Variants in TMEM108 observed in about 807,000 individuals in gnomAD.
The protein encoded by TMEM108 is transmembrane protein 108, also known as cancer/testis antigen 124.
In TMEM108, 12 loss-of-function variants were observed where a neutral mutation model predicts 35.1. The ratio of observed to expected loss-of-function variants is 0.34; its 90% CI spans 0.22 to 0.55. TMEM108 has a LOEUF of 0.55. Among genes scored for constraint, TMEM108 ranks in the 20% least tolerant of loss-of-function variants. The pLI is 0.89. For missense variants in TMEM108, 680 were observed against 753.3 expected, an observed-to-expected ratio of 0.90 and a Z score of 1.14; for synonymous variants, 287 against 308.6, an observed-to-expected ratio of 0.93 and a Z score of 0.73.
At position 133,079,270 on chromosome 3, in the gene TMEM108, T is replaced by C. The variant is rs190637953; in HGVS notation, c.-47+33250T>C. On this transcript the variant is annotated intron_variant, in intron 2 of 5. Coordinates refer to ENST00000321871, the MANE Select transcript of TMEM108 (RefSeq NM_023943.4). ...GAACTTTGTCCAGAGAATGGGTCTT[T>C]CAAAAAACAGAGTTACATAAATCCT... Among the ~76,000 whole-genome samples the C allele has an allele frequency of 3.9e-5, 6 of 152,314 alleles. No homozygotes were observed. In the East Asian group the frequency reaches 1.2e-3, roughly 29 times the overall value.
In TMEM108 at chr3:133,176,586, G is replaced by A. The variant is rs1305719581; in HGVS notation, c.-46-52680G>A. 3.5e-4 allele frequency among the ~76,000 whole-genome samples: 54 copies of A among 152,184 alleles called. No homozygotes were observed. The East Asian group carries it at 8.9e-3, about 25-fold the overall frequency. On this transcript the variant is annotated intron_variant, in intron 2 of 5. Transcript: ENST00000321871. ...ATGACTACTGGGTACATAACGAAAT[G>A]AAGGCAGAAATAAAGATGTTCTTTG... is the stretch of plus-strand genomic sequence containing the variant.
chr3:133,302,349 G>C (rs1158938172), intron 3 of TMEM108, among the ~76,000 whole-genome samples: 5 of 150,976 alleles, frequency 3.3e-5, no homozygotes, highest in South Asian at 2.1e-4. Context: ...GTGAACTGCA[G>C]ATATTCCAAA....
intron 2 of TMEM108, among the ~76,000 whole-genome samples, chr3:133,088,521 C>T (rs1943910445): frequency 6.6e-6 from 1 of 152,136 alleles, no homozygotes. Context: ...TTTTGAGTAG[C>T]AAAGCTTAGG....
At chr3:133,099,528 G>T (rs992003193) in intron 2 of TMEM108, among the ~76,000 whole-genome samples, 2 of 152,174 alleles carry the variant, frequency 1.3e-5, no homozygotes, top group African/African-American at 4.8e-5. Flanking sequence ...TCATCAGGCT[G>T]TAAATTTTCT....
intron 2 of TMEM108, among the ~76,000 whole-genome samples, chr3:133,061,212 CTTTT>C (rs778632376): frequency 2.3e-5 from 3 of 129,990 alleles, no homozygotes; most frequent in African/African-American, 5.8e-5. Flanking sequence ...GGCATGTCTC[CTTTT>C]TTTTTTTTTT....
chr3:133,189,534 C>A (rs1945469306), intron 2 of TMEM108, among the ~76,000 whole-genome samples: 1 of 152,156 alleles, frequency 6.6e-6, no homozygotes, highest in African/African-American at 2.4e-5. Flanking sequence ...TCTAGGGCTT[C>A]AGGATGACCA....
chr3:133,305,401 T>G (rs887717619), intron 3 of TMEM108, among the ~76,000 whole-genome samples: 16 of 148,736 alleles, frequency 1.1e-4, no homozygotes, highest in Admixed American at 2.0e-4. Context: ...CATTGGGAGA[T>G]ACACCTAATG....
chr3:133,136,001 G>A (rs368276178), intron 2 of TMEM108, among the ~76,000 whole-genome samples: 17 of 152,110 alleles, frequency 1.1e-4, no homozygotes, highest in Non-Finnish European at 2.4e-4. Context: ...AGAACTCTGC[G>A]ACATTTTCTG....
At chr3:133,170,284 G>T (rs1308275427) in intron 2 of TMEM108, among the ~76,000 whole-genome samples, 2 of 152,130 alleles carry the variant, frequency 1.3e-5, no homozygotes, top group South Asian at 2.1e-4. Flanking sequence ...ACAGGACTAA[G>T]TTGTATGAAA....
intron 2 of TMEM108, among the ~76,000 whole-genome samples, chr3:133,083,171 C>T (rs1312342198): frequency 2.7e-5 from 3 of 112,738 alleles, no homozygotes; most frequent in Admixed American, 1.9e-4. Flanking sequence ...ACTTGGAAAG[C>T]CCCCCCCCAC....
chr3:133,164,681 G>A (rs1293875281), intron 2 of TMEM108, among the ~76,000 whole-genome samples: 1 of 152,150 alleles, frequency 6.6e-6, no homozygotes, highest in East Asian at 1.9e-4. Flanking sequence ...GCAAGATCTT[G>A]CAGCTAAGTA....
rs2071818814 is a variant in TMEM108 at position 133,346,416 on chromosome 3, T to C, written c.41-33336T>C. On this transcript the variant is annotated intron_variant, in intron 3 of 5. Transcript: ENST00000321871. The surrounding 1 kb of genome is among the most constrained non-coding windows in gnomAD (Gnocchi z 4.0). ...TAATTGACAGTTCTCTAATGACATA[T>C]GACATTGAACATCTTTTCATATGCT... 6.6e-6 allele frequency among the ~76,000 whole-genome samples: 1 copy of C among 152,076 alleles called. No homozygotes were observed. The highest frequency in any genetic ancestry group is 2.4e-5 in the African/African-American group (1 of 41,460).
intron 3 of TMEM108, among the ~76,000 whole-genome samples, chr3:133,298,260 C>A (rs1947172996): frequency 6.6e-6 from 1 of 152,114 alleles, no homozygotes; most frequent in African/African-American, 2.4e-5. Context: ...CCAGCTCTGC[C>A]AGAAGGACCA....
intron 3 of TMEM108, among the ~76,000 whole-genome samples, chr3:133,258,162 T>TA (rs1007188954): frequency 6.6e-5 from 10 of 152,218 alleles, no homozygotes; most frequent in Admixed American, 6.5e-4. Context: ...AAAGAGACCT[T>TA]AAGGAGCTTT....
intron 2 of TMEM108, among the ~76,000 whole-genome samples, chr3:133,213,010 A>C (rs1945856531): frequency 6.6e-6 from 1 of 152,182 alleles, no homozygotes; most frequent in Non-Finnish European, 1.5e-5. Flanking sequence ...TAAAAATGCC[A>C]TTATAACCCA....
chr3:133,145,731 T>C (rs1944709772), intron 2 of TMEM108, among the ~76,000 whole-genome samples: 1 of 152,220 alleles, frequency 6.6e-6, no homozygotes, highest in Non-Finnish European at 1.5e-5. Flanking sequence ...GTAGCAATTG[T>C]GAATAAGAGT....
At chr3:133,073,262 A>G (rs1324378570) in intron 2 of TMEM108, among the ~76,000 whole-genome samples, 1 of 151,646 alleles carries the variant, frequency 6.6e-6, no homozygotes, top group East Asian at 1.9e-4. Flanking sequence ...TCCTTTGACC[A>G]ACATCTTCCC....
intron 2 of TMEM108, among the ~76,000 whole-genome samples, chr3:133,216,591 C>T (rs575369655): frequency 6.6e-5 from 10 of 151,986 alleles, no homozygotes; most frequent in Non-Finnish European, 1.5e-4. Flanking sequence ...ATAACGTCTC[C>T]CCAACTCCCT....
chr3:133,091,618 G>A (rs1211894065), intron 2 of TMEM108, among the ~76,000 whole-genome samples: 2 of 152,154 alleles, frequency 1.3e-5, no homozygotes, highest in African/African-American at 4.8e-5. Flanking sequence ...CATTAAAGAA[G>A]TTAAATACCA....
Sources: gnomAD v4.1 joint callset for allele counts (sites outside exome capture counted in the v4.1 genomes callset) on GRCh38, gnomAD v4.1.1 for gene constraint, Gnocchi (gnomAD v3.1) non-coding constraint, MANE v1.5 for transcripts, NCBI Gene and HGNC (gene_info 2026-07-23, HGNC 2026-07-21) for gene names.